Variants in OSBPL3 observed in about 807,000 individuals in gnomAD.
The protein encoded by OSBPL3 is oxysterol-binding protein-related protein 3.
OSBPL3 carries 65 observed loss-of-function variants against 120.1 expected under a neutral mutation model. The observed-to-expected ratio is 0.54, with a 90% CI of 0.44 to 0.67. The LOEUF (loss-of-function observed/expected upper bound fraction) is 0.67, where lower values mean the gene tolerates loss of function less well. Among genes scored for constraint, OSBPL3 ranks in the 30% least tolerant of loss-of-function variants. OSBPL3 has a pLI of 0.00. For missense variants in OSBPL3, 1,004 were observed against 1,082.1 expected, an observed-to-expected ratio of 0.93 and a Z score of 1.01; for synonymous variants, 416 against 402.6, an observed-to-expected ratio of 1.03 and a Z score of -0.40.
intron 1 of OSBPL3, among the ~76,000 whole-genome samples, chr7:24,928,867 G>A (rs1411726290): frequency 6.6e-6 from 1 of 152,106 alleles, no homozygotes; most frequent in Non-Finnish European, 1.5e-5. Flanking sequence ...TTGCTGCTGA[G>A]TAGCATTTTG....
At position 24,955,319 on chromosome 7, in the gene OSBPL3, G is replaced by C. The variant is rs1309513296; in HGVS notation, c.-150+24567C>G. Among the ~76,000 whole-genome samples, 1 of 152,234 alleles carries C rather than the reference G, an allele frequency of 6.6e-6. No individual in the cohort carries two copies. Among genetic ancestry groups the C allele is most frequent in the African/African-American group, 2.4e-5 (1 of 41,468 alleles). On this transcript the variant is annotated intron_variant, in intron 1 of 22. Transcript: ENST00000313367. The surrounding 1 kb of genome is among the most constrained non-coding windows in gnomAD (Gnocchi z 4.3). Reference sequence around the variant, plus strand: ...CCATAATGAGTTTGGGGGCTACCATGTCATTTAGCAATTAATCTATTCCAA... The same window carrying C: ...CCATAATGAGTTTGGGGGCTACCATCTCATTTAGCAATTAATCTATTCCAA...
intron 1 of OSBPL3, among the ~76,000 whole-genome samples, chr7:24,920,940 G>T (rs140545058): frequency 6.6e-6 from 1 of 152,316 alleles, no homozygotes; most frequent in Admixed American, 6.5e-5. Context: ...GAACTCACTT[G>T]AGAGGTTGTT....
chr7:24,828,606 G>GAAAAAAAA (rs1190652256), intron 16 of OSBPL3, among the ~76,000 whole-genome samples: 708 of 32,502 alleles, frequency 0.022, 68 homozygotes, highest in Non-Finnish European at 0.031. Context: ...GACTCTGTCT[G>GAAAAAAAA]AAAAAAAAAA....
chr7:24,974,681 C>G (rs1207968646), intron 1 of OSBPL3, among the ~76,000 whole-genome samples: 2 of 152,148 alleles, frequency 1.3e-5, no homozygotes, highest in Non-Finnish European at 2.9e-5. Context: ...GAATGAAGTA[C>G]TGATACATGC....
rs1806657946 is a variant in OSBPL3 at position 24,899,433 on chromosome 7, T to C, written c.-149-6812A>G. Among the ~76,000 whole-genome samples the C allele has an allele frequency of 1.3e-5, 2 of 152,210 alleles. No individual in the cohort carries two copies. Among genetic ancestry groups the C allele is most frequent in the Admixed American group, 6.5e-5 (1 of 15,284 alleles). On this transcript the variant is annotated intron_variant, in intron 1 of 22. Coordinates refer to ENST00000313367, the MANE Select transcript of OSBPL3 (RefSeq NM_015550.4). This position sits in a 1 kb window ranked among gnomAD's most constrained non-coding sequence, Gnocchi z 4.0. ...TCTTTCTGAAGCGGACTCCTTTACT[T>C]CCTTTAACTAAAATTCAGGACTTGA...
rs1467478832 is a variant in OSBPL3 at position 24,967,571 on chromosome 7, CA to C, written c.-150+12314del. ...AGAATTAAATCAGGTGATGTTCTTT[CA>C]AAAAGTACAGAGAATAGTGTCTCAC... On this transcript the variant is annotated intron_variant, in intron 1 of 22. Transcript: ENST00000313367. This position sits in a 1 kb window ranked among gnomAD's most constrained non-coding sequence, Gnocchi z 5.6. 6.6e-6 allele frequency among the ~76,000 whole-genome samples: 1 copy of C among 152,162 alleles called. No homozygotes were observed. The highest frequency in any genetic ancestry group is 2.4e-5 in the African/African-American group (1 of 41,446).
Position 24,835,204 on chromosome 7 carries a change from C to T in OSBPL3, c.1496-468G>A, listed in dbSNP as rs150326188. 6.6e-6 allele frequency among the ~76,000 whole-genome samples: 1 copy of T among 152,050 alleles called. No homozygotes were observed. The highest frequency in any genetic ancestry group is 1.5e-5 in the Non-Finnish European group (1 of 68,002). ...TTTATATATTAGAGTATCTTCATTT[C>T]GTGTTTTCTCCATTTGTGTTGTTCA... is the stretch of plus-strand genomic sequence containing the variant. On this transcript the variant is annotated intron_variant, in intron 14 of 22. Transcript: ENST00000313367. This position sits in a 1 kb window ranked among gnomAD's most constrained non-coding sequence, Gnocchi z 4.8.
rs779340890 is a variant in OSBPL3 at position 24,834,464 on chromosome 7, C to T, written c.1746+22G>A. 6.3e-7 allele frequency: 1 copy of T among 1,597,168 alleles called. No individual in the cohort carries two copies. Among genetic ancestry groups the T allele is most frequent in the Admixed American group, 1.7e-5 (1 of 58,842 alleles). On this transcript the variant is annotated intron_variant, in intron 15 of 22. Transcript: ENST00000313367. The surrounding 1 kb of genome is among the most constrained non-coding windows in gnomAD (Gnocchi z 5.2). ...CTTGGGGACCGAGGCTGGACAGTGGCAAGGGAAGGCTGACTCCTCACCATC... is the reference window on the plus strand; with the variant it reads ...CTTGGGGACCGAGGCTGGACAGTGGTAAGGGAAGGCTGACTCCTCACCATC...
intron 1 of OSBPL3, among the ~76,000 whole-genome samples, chr7:24,928,433 T>C (rs543238829): frequency 1.9e-4 from 29 of 152,248 alleles, no homozygotes; most frequent in South Asian, 1.9e-3. Context: ...CCTCGTGATC[T>C]GCCCACCTTG....
rs1806115359 is a variant in OSBPL3 at position 24,896,224 on chromosome 7, T to C, written c.-149-3603A>G. 1.3e-5 allele frequency among the ~76,000 whole-genome samples: 2 copies of C among 152,216 alleles called. No individual in the cohort carries two copies. The highest frequency in any genetic ancestry group is 4.8e-5 in the African/African-American group (2 of 41,452). On this transcript the variant is annotated intron_variant, in intron 1 of 22. Transcript: ENST00000313367. The surrounding 1 kb of genome is among the most constrained non-coding windows in gnomAD (Gnocchi z 4.4). ...TGGTGAGGTTGAGGAGGAGAGAACT[T>C]ATGGCCCTTTCCTTCCTCTAAATCA...
At position 24,872,163 on chromosome 7, in the gene OSBPL3, A is replaced by G. The variant is rs985226362; in HGVS notation, c.97-94T>C. ...CATCCTGTCAGTAAATTTATTCAAGATGGGGAGGCTGGCTGGGTTTGTTGG... is the reference window on the plus strand; with the variant it reads ...CATCCTGTCAGTAAATTTATTCAAGGTGGGGAGGCTGGCTGGGTTTGTTGG... On this transcript the variant is annotated intron_variant, in intron 2 of 22. Coordinates refer to ENST00000313367, the MANE Select transcript of OSBPL3 (RefSeq NM_015550.4). This position sits in a 1 kb window ranked among gnomAD's most constrained non-coding sequence, Gnocchi z 4.1. 130 of 895,468 alleles carry G rather than the reference A, an allele frequency of 1.5e-4. 1 individual carries two copies. The highest frequency in any genetic ancestry group is 9.2e-5 in the Admixed American group (5 of 54,310). 55.5% of individuals were successfully genotyped at this position (895,468 alleles called of 1,614,324 possible). A position where few individuals can be genotyped will look rare whatever the true frequency, so the allele number is the denominator to read the frequency against.
intron 1 of OSBPL3, among the ~76,000 whole-genome samples, chr7:24,951,305 A>C (rs1224774301): frequency 1.3e-5 from 2 of 152,222 alleles, no homozygotes; most frequent in Non-Finnish European, 2.9e-5. Flanking sequence ...TTTAAGTAAA[A>C]GCAACTCCTT....
intron 1 of OSBPL3, 37 bp downstream of exon 1, chr7:24,979,849 A>ACCCAGGCCCCCCGACC: frequency 2.1e-6 from 2 of 934,502 alleles, no homozygotes; most frequent in Non-Finnish European, 2.6e-6. Flanking sequence ...GCCCCCCGAC[A>ACCCAGGCCCCCCGACC]CCCAGGCCCC....
chr7:24,910,856 A>C (rs982384589), intron 1 of OSBPL3, among the ~76,000 whole-genome samples: 4 of 152,150 alleles, frequency 2.6e-5, no homozygotes, highest in African/African-American at 9.7e-5. Context: ...CTGGGTCGGG[A>C]GGGGCACCTC....
intron 1 of OSBPL3, among the ~76,000 whole-genome samples, chr7:24,908,015 T>C (rs562712280): frequency 6.4e-4 from 97 of 152,366 alleles, no homozygotes; most frequent in Non-Finnish European, 1.3e-3. Context: ...GGATTACTTA[T>C]GTATTTCAGA....
chr7:24,804,186 C>G lies in OSBPL3; in HGVS notation c.2567+129G>C. Reference sequence around the variant, plus strand: ...GCCTGGCACAGAGGAGCAGTACCCCCACGTGGAAGCAGGAAAAGCCTGGAG... The same window carrying G: ...GCCTGGCACAGAGGAGCAGTACCCCGACGTGGAAGCAGGAAAAGCCTGGAG... On this transcript the variant is annotated intron_variant, in intron 22 of 22. Coordinates refer to ENST00000313367, the MANE Select transcript of OSBPL3 (RefSeq NM_015550.4). The surrounding 1 kb of genome is among the most constrained non-coding windows in gnomAD (Gnocchi z 5.4). The G allele has an allele frequency of 1.9e-6, 2 of 1,060,920 alleles. No individual in the cohort carries two copies. Among genetic ancestry groups the G allele is most frequent in the Non-Finnish European group, 2.8e-6 (2 of 711,540 alleles). The allele number at this position is 1,060,920 out of a possible 1,614,324, so 65.7% of individuals were successfully genotyped here.
Position 24,834,286 on chromosome 7 carries a change from A to AC in OSBPL3, c.1746+199dup, listed in dbSNP as rs1796723599. On this transcript the variant is annotated intron_variant, in intron 15 of 22. Transcript: ENST00000313367. The surrounding 1 kb of genome is among the most constrained non-coding windows in gnomAD (Gnocchi z 5.2). ...CCAAGTGCCACGGAGAAGCACCCCA[A>AC]CCCCGTCTCCAAATCCTCACAAGGT... 7.1e-7 allele frequency: 1 copy of AC among 1,412,758 alleles called. No individual in the cohort carries two copies. The highest frequency in any genetic ancestry group is 1.4e-5 in the African/African-American group (1 of 68,974). The allele number at this position is 1,412,758 out of a possible 1,614,324, so 87.5% of individuals were successfully genotyped here.
intron 2 of OSBPL3, among the ~76,000 whole-genome samples, chr7:24,886,845 T>C (rs535358325): frequency 6.6e-6 from 1 of 152,288 alleles, no homozygotes; most frequent in African/African-American, 2.4e-5. Flanking sequence ...CATTCCTCTG[T>C]TCCTTGTCTC....
rs1803354879 is a variant in OSBPL3, at chr7:24,879,556, T to C, written c.97-7487A>G. Among the ~76,000 whole-genome samples the C allele has an allele frequency of 6.6e-6, 1 of 152,158 alleles. No individual in the cohort carries two copies. The highest frequency in any genetic ancestry group is 2.4e-5 in the African/African-American group (1 of 41,420). ...CAAAAACACTGGTGCCTTCATTACT[T>C]AGATAATGGGAGAATATTCATGCTG... On this transcript the variant is annotated intron_variant, in intron 2 of 22. Transcript: ENST00000313367. This position sits in a 1 kb window ranked among gnomAD's most constrained non-coding sequence, Gnocchi z 5.6.
Sources: allele counts gnomAD v4.1 joint callset (sites outside exome capture counted in the v4.1 genomes callset), GRCh38; gene constraint gnomAD v4.1.1; non-coding constraint Gnocchi (gnomAD v3.1); transcripts MANE v1.5; gene names NCBI Gene and HGNC (gene_info 2026-07-23, HGNC 2026-07-21).